CNTN6: variants seen among roughly 807,000 people sequenced by gnomAD.
CNTN6 encodes the protein contactin-6.
CNTN6 carries 137 observed loss-of-function variants against 122.8 expected under a neutral mutation model. That is an observed-to-expected ratio of 1.12 (90% confidence interval 0.97 to 1.29). CNTN6 has a LOEUF of 1.29. CNTN6 is among the 50% of genes most tolerant of loss of function. The pLI is 0.00. For missense variants in CNTN6, 1,634 were observed against 1,223.4 expected (o/e 1.34, Z -5.01); for synonymous variants, 570 against 426.0 (o/e 1.34, Z -4.16).
chr3:1,095,354 A>C (rs929683840), intron 1 of CNTN6, among the ~76,000 whole-genome samples: 6 of 151,960 alleles, frequency 3.9e-5, no homozygotes, highest in Non-Finnish European at 7.4e-5. Context: ...GCCTGTAGTC[A>C]CAGCTACTCA....
intron 8 of CNTN6, among the ~76,000 whole-genome samples, chr3:1,323,896 T>C (rs889083828): frequency 1.4e-5 from 2 of 139,958 alleles, no homozygotes; most frequent in African/African-American, 6.6e-5. Flanking sequence ...AATAAATAAA[T>C]GTGTTCTGTA....
intron 5 of CNTN6, among the ~76,000 whole-genome samples, chr3:1,280,729 T>A (rs753405392): frequency 6.6e-6 from 1 of 152,034 alleles, no homozygotes; most frequent in Non-Finnish European, 1.5e-5. Context: ...CCTCCCAAAG[T>A]GCTGGGATTA....
intron 6 of CNTN6, 102 bp from the exon 7 acceptor site, chr3:1,297,787 T>G: frequency 1.2e-6 from 1 of 834,670 alleles, no homozygotes; most frequent in Admixed American, 2.3e-5. Flanking sequence ...AAACCCTAAC[T>G]CTTATTAAGA....
intron 11 of CNTN6, among the ~76,000 whole-genome samples, chr3:1,333,296 T>A (rs1389230643): frequency 2.6e-5 from 4 of 152,030 alleles, no homozygotes; most frequent in Non-Finnish European, 4.4e-5. Context: ...CTAGAGATAA[T>A]GTATCCCATT....
chr3:1,387,582 G>A (rs141559726), intron 20 of CNTN6, among the ~76,000 whole-genome samples: 2,468 of 152,092 alleles, frequency 0.016, 72 homozygotes, highest in African/African-American at 0.054. Flanking sequence ...CAAGATGGCC[G>A]AATAGGAACA....
Position 1,388,245 on chromosome 3 carries a change from TCCCTGAC to T in CNTN6, c.2704+2459_2704+2465del, listed in dbSNP as rs1423389889. ...CTGGCACACTGCCTCCTCAAGTGGG[TCCCTGAC>T]CCCTGACCCCCGAGCAGCCTAACTG... On this transcript the variant is annotated intron_variant, in intron 20 of 22. Transcript: ENST00000446702. 1.1e-3 allele frequency among the ~76,000 whole-genome samples: 164 copies of T among 149,076 alleles called. 5 individuals carry two copies. Among genetic ancestry groups the T allele is most frequent in the African/African-American group, 2.1e-3 (84 of 40,610 alleles).
At chr3:1,127,222 G>A (rs557621721) in intron 1 of CNTN6, among the ~76,000 whole-genome samples, 2 of 151,726 alleles carry the variant, frequency 1.3e-5, no homozygotes, top group Admixed American at 6.6e-5. Context: ...ACACATTCTA[G>A]CACAGTTTAA....
At chr3:1,146,645 A>G (rs1482017529) in intron 1 of CNTN6, among the ~76,000 whole-genome samples, 1 of 152,046 alleles carries the variant, frequency 6.6e-6, no homozygotes, top group African/African-American at 2.4e-5. Flanking sequence ...ATGTCTCACA[A>G]GAGAACAGTG....
chr3:1,263,002 TAA>T (rs1416221986), intron 4 of CNTN6, among the ~76,000 whole-genome samples: 3 of 152,158 alleles, frequency 2.0e-5, no homozygotes, highest in Non-Finnish European at 2.9e-5. Flanking sequence ...GTAAGAGTTA[TAA>T]GTTATTTAGG....
At chr3:1,158,591 C>T (rs528439235) in intron 2 of CNTN6, among the ~76,000 whole-genome samples, 342 of 150,814 alleles carry the variant, frequency 2.3e-3, no homozygotes, top group African/African-American at 7.7e-3. Flanking sequence ...TTTTTGGCAG[C>T]GGGCAGGATT....
At chr3:1,236,587 C>G (rs969916767) in intron 4 of CNTN6, among the ~76,000 whole-genome samples, 11 of 152,118 alleles carry the variant, frequency 7.2e-5, no homozygotes, top group Non-Finnish European at 1.3e-4. Flanking sequence ...AAGAGCAGCC[C>G]TTGAATCCCA....
chr3:1,177,092 T>G (rs541915999), intron 2 of CNTN6, among the ~76,000 whole-genome samples: 1 of 152,292 alleles, frequency 6.6e-6, no homozygotes, highest in Non-Finnish European at 1.5e-5. Flanking sequence ...AATCACAAAG[T>G]TCCAACTGGG....
At chr3:1,152,895 T>G (rs2092879333) in intron 2 of CNTN6, among the ~76,000 whole-genome samples, 1 of 152,160 alleles carries the variant, frequency 6.6e-6, no homozygotes, top group African/African-American at 2.4e-5. Context: ...CTATTATAAC[T>G]CAAACATAAT....
intron 4 of CNTN6, among the ~76,000 whole-genome samples, chr3:1,256,252 T>C (rs181157974): frequency 1.3e-5 from 2 of 152,274 alleles, no homozygotes; most frequent in African/African-American, 4.8e-5. Context: ...AGTTATGAAA[T>C]AATCTGGGAG....
At position 1,373,595 on chromosome 3, in the gene CNTN6, T is replaced by C; in HGVS notation, c.1787-9T>C. Reference sequence around the variant, plus strand: ...TCCAATGGAGTCATGATAAAACATTTTTTTCAAGGTCCACCAGGTCCTCCT... The same window carrying C: ...TCCAATGGAGTCATGATAAAACATTCTTTTCAAGGTCCACCAGGTCCTCCT... On this transcript the variant is annotated splice_polypyrimidine_tract_variant and intron_variant, in intron 14 of 22. Coordinates refer to ENST00000446702, the MANE Select transcript of CNTN6 (RefSeq NM_001289080.2). 1 of 1,609,080 alleles carries C rather than the reference T, an allele frequency of 6.2e-7. No individual in the cohort carries two copies. The highest frequency in any genetic ancestry group is 8.5e-7 in the Non-Finnish European group (1 of 1,177,898).
intron 5 of CNTN6, among the ~76,000 whole-genome samples, chr3:1,283,806 C>T (rs1375745054): frequency 6.6e-6 from 1 of 152,104 alleles, no homozygotes; most frequent in Non-Finnish European, 1.5e-5. Context: ...TCGAGACCAG[C>T]CTGGCCAACA....
At chr3:1,378,200 C>T (rs920072006) in intron 17 of CNTN6, among the ~76,000 whole-genome samples, 1 of 152,122 alleles carries the variant, frequency 6.6e-6, no homozygotes, top group South Asian at 2.1e-4. Flanking sequence ...CCATGTTTAG[C>T]GGAAGTGCAA....
rs571824678 is a variant in CNTN6, at chr3:1,115,383, CA to C, written c.-83+22264del. 1.9e-4 allele frequency among the ~76,000 whole-genome samples: 29 copies of C among 152,250 alleles called. 3 individuals are homozygous for C. The South Asian group carries it at 6.0e-3, about 32-fold the overall frequency. ...TGGCATTATGAAGAAAGATTAAGAA[CA>C]GTTCCAAAACATCACCATTTTCTTC... On this transcript the variant is annotated intron_variant, in intron 1 of 22. Transcript: ENST00000446702.
chr3:1,155,480 ATT>A (rs59513993), intron 2 of CNTN6, among the ~76,000 whole-genome samples: 1 of 150,736 alleles, frequency 6.6e-6, no homozygotes, highest in East Asian at 1.9e-4. Context: ...TGGGCTTAGG[ATT>A]TTTTTTTTAA....
Sources: gnomAD v4.1 joint callset for allele counts (sites outside exome capture counted in the v4.1 genomes callset) on GRCh38, gnomAD v4.1.1 for gene constraint, MANE v1.5 for transcripts, NCBI Gene and HGNC (gene_info 2026-07-23, HGNC 2026-07-21) for gene names.